The following EFNA5 variants were observed in gnomAD, a reference collection of about 807,000 sequenced individuals.
EFNA5 encodes ephrin A5, also known as ephrin-A5.
In EFNA5, 5 loss-of-function variants were observed where a neutral mutation model predicts 22.9. The observed-to-expected ratio is 0.22, with a 90% CI of 0.11 to 0.46. The LOEUF (loss-of-function observed/expected upper bound fraction) is 0.46. Ranked by LOEUF, EFNA5 falls within the 20% of genes least tolerant of loss-of-function variation. The probability of loss-of-function intolerance (pLI) is 0.99; values close to 1 mark genes in which losing one functional copy is unlikely to be tolerated. For missense variants in EFNA5, 237 were observed against 293.3 expected, an observed-to-expected ratio of 0.81 and a Z score of 1.40; for synonymous variants, 113 against 112.2, an observed-to-expected ratio of 1.01 and a Z score of -0.04.
intron 1 of EFNA5, among the ~76,000 whole-genome samples, chr5:107,515,327 A>T (rs1251359041): frequency 2.0e-5 from 3 of 151,016 alleles, no homozygotes; most frequent in Non-Finnish European, 4.4e-5. Context: ...GTGAGCCCCC[A>T]TGCCCAGCAT....
rs139440287 is a variant in EFNA5, at chr5:107,627,055, G to A, written c.125+43434C>T. On this transcript the variant is annotated intron_variant, in intron 1 of 4. Transcript: ENST00000333274. ...TAACAGGAACTGTTCATTAAGGGTT[G>A]CTTTCTATTAAAAAATAGGTATGTG... Among the ~76,000 whole-genome samples the A allele has an allele frequency of 3.3e-5, 5 of 152,280 alleles. No individual in the cohort carries two copies. The East Asian group carries it at 9.7e-4, about 29-fold the overall frequency.
At chr5:107,455,767 G>A (rs887744497) in intron 1 of EFNA5, among the ~76,000 whole-genome samples, 1 of 152,082 alleles carries the variant, frequency 6.6e-6, no homozygotes, top group South Asian at 2.1e-4. Flanking sequence ...AAAGTTTATT[G>A]TTGCAACCTG....
chr5:107,435,494 T>C (rs551164080), intron 1 of EFNA5, among the ~76,000 whole-genome samples: 6 of 152,268 alleles, frequency 3.9e-5, no homozygotes, highest in Non-Finnish European at 8.8e-5. Flanking sequence ...CTTTCAGATG[T>C]ATTGGTAATC....
intron 1 of EFNA5, among the ~76,000 whole-genome samples, chr5:107,585,566 A>T (rs1345352739): frequency 6.6e-6 from 1 of 152,232 alleles, no homozygotes; most frequent in Non-Finnish European, 1.5e-5. Context: ...TAAAAAGCAC[A>T]AATAAGGGAA....
At chr5:107,582,540 C>T (rs1749094936) in intron 1 of EFNA5, among the ~76,000 whole-genome samples, 1 of 152,092 alleles carries the variant, frequency 6.6e-6, no homozygotes, top group Non-Finnish European at 1.5e-5. Context: ...TCAATTTAGG[C>T]GATCAGAGAC....
intron 1 of EFNA5, among the ~76,000 whole-genome samples, chr5:107,605,151 A>C (rs1236336832): frequency 1.1e-5 from 1 of 93,736 alleles, no homozygotes. Context: ...GGGGGTGGGG[A>C]TGGGGGGGGA....
At chr5:107,508,727 T>C (rs1747301120) in intron 1 of EFNA5, among the ~76,000 whole-genome samples, 1 of 152,236 alleles carries the variant, frequency 6.6e-6, no homozygotes, top group Non-Finnish European at 1.5e-5. Context: ...ACTAAACAGC[T>C]AGTAATACAA....
At chr5:107,583,209 G>A (rs1209378114) in intron 1 of EFNA5, among the ~76,000 whole-genome samples, 1 of 152,092 alleles carries the variant, frequency 6.6e-6, no homozygotes, top group Non-Finnish European at 1.5e-5. Context: ...AGTTCTCAAT[G>A]TCCTAAGAGT....
intron 1 of EFNA5, among the ~76,000 whole-genome samples, chr5:107,562,385 A>G (rs912377445): frequency 1.3e-5 from 2 of 152,014 alleles, no homozygotes; most frequent in Non-Finnish European, 2.9e-5. Flanking sequence ...ATACAAGCAG[A>G]TAGCGTCATT....
intron 1 of EFNA5, among the ~76,000 whole-genome samples, chr5:107,582,167 A>G (rs6894162): frequency 0.3 from 45,473 of 152,124 alleles, 7,082 homozygotes; most frequent in Middle Eastern, 0.35. Context: ...GAGATAAAAT[A>G]TTACTTATAA....
Position 107,670,475 on chromosome 5 carries a change from T to A in EFNA5, c.125+14A>T. On this transcript the variant is annotated intron_variant, in intron 1 of 4. Transcript: ENST00000333274. Reference sequence around the variant, plus strand: ...GCCCGGGTAGCCCTGGCTCTCCGCCTGTTATCGGCTTACCTGGGGTTGCTG... The same window carrying A: ...GCCCGGGTAGCCCTGGCTCTCCGCCAGTTATCGGCTTACCTGGGGTTGCTG... 6.4e-7 allele frequency: 1 copy of A among 1,554,452 alleles called. No individual in the cohort carries two copies. The highest frequency in any genetic ancestry group is 8.7e-7 in the Non-Finnish European group (1 of 1,148,464).
At chr5:107,480,807 G>A (rs1379129958) in intron 1 of EFNA5, among the ~76,000 whole-genome samples, 4 of 152,230 alleles carry the variant, frequency 2.6e-5, no homozygotes, top group Non-Finnish European at 5.9e-5. Flanking sequence ...GGGAGTGAAG[G>A]CAAGTGGAAG....
chr5:107,411,439 T>C (rs139252302), intron 2 of EFNA5, among the ~76,000 whole-genome samples: 1 of 152,232 alleles, frequency 6.6e-6, no homozygotes, highest in African/African-American at 2.4e-5. Context: ...TATAAGCCAA[T>C]CAAATTCCTT....
chr5:107,389,808 G>C (rs1241821508), intron 2 of EFNA5, among the ~76,000 whole-genome samples: 3 of 152,086 alleles, frequency 2.0e-5, no homozygotes, highest in Admixed American at 1.3e-4. Context: ...ATACTTCTGT[G>C]AATTAAAAAT....
chr5:107,514,525 A>C (rs1747436289), intron 1 of EFNA5, among the ~76,000 whole-genome samples: 1 of 152,164 alleles, frequency 6.6e-6, no homozygotes. Context: ...CTTCTCCACA[A>C]CCTGACGAGT....
intron 2 of EFNA5, among the ~76,000 whole-genome samples, chr5:107,426,622 T>C (rs1170465300): frequency 6.6e-6 from 1 of 152,114 alleles, no homozygotes; most frequent in Non-Finnish European, 1.5e-5. Context: ...CAGGACAGAG[T>C]CACTCAATGC....
intron 1 of EFNA5, among the ~76,000 whole-genome samples, chr5:107,568,984 T>C (rs950080248): frequency 3.9e-5 from 6 of 152,196 alleles, no homozygotes; most frequent in African/African-American, 1.4e-4. Flanking sequence ...AAATCACTAG[T>C]TCCTCCCACC....
At chr5:107,546,919 G>A (rs983189221) in intron 1 of EFNA5, among the ~76,000 whole-genome samples, 3 of 152,114 alleles carry the variant, frequency 2.0e-5, no homozygotes, top group Non-Finnish European at 4.4e-5. Flanking sequence ...GTCTCTTTTA[G>A]AGCCAAGTTG....
intron 1 of EFNA5, among the ~76,000 whole-genome samples, chr5:107,440,924 T>C (rs1749239426): frequency 6.6e-6 from 1 of 152,170 alleles, no homozygotes; most frequent in Non-Finnish European, 1.5e-5. Flanking sequence ...TACTTGTTGA[T>C]GTTTTAATTC....
Sources: allele counts gnomAD v4.1 joint callset (sites outside exome capture counted in the v4.1 genomes callset), GRCh38; gene constraint gnomAD v4.1.1; transcripts MANE v1.5; gene names NCBI Gene and HGNC (gene_info 2026-07-23, HGNC 2026-07-21).